The following MDFIC2 variants were observed in gnomAD, a reference collection of about 807,000 sequenced individuals.
MDFIC2 encodes MyoD family inhibitor domain containing 2.
chr3:70,310,157 C>G lies in MDFIC2; in HGVS notation c.88+1729G>C, dbSNP rs143307803. ...TTTTAAAGGATTCTATTTAAAAGAC[C>G]TTTTCAAAAAAAGAAGTTAGAGAAT... On this transcript the variant is annotated intron_variant, in intron 2 of 3. Coordinates refer to ENST00000567252, the MANE Select transcript of MDFIC2 (RefSeq NM_001364677.1). 3.0e-3 allele frequency among the ~76,000 whole-genome samples: 455 copies of G among 151,694 alleles called. 3 individuals carry two copies. The highest frequency in any genetic ancestry group is 0.01 in the African/African-American group (432 of 41,390).
intron 2 of MDFIC2, among the ~76,000 whole-genome samples, chr3:70,235,375 C>A (rs966666044): frequency 6.6e-6 from 1 of 152,184 alleles, no homozygotes; most frequent in Non-Finnish European, 1.5e-5. Context: ...TATTTCATCA[C>A]CCACTCACTC....
At chr3:70,312,060 A>G in intron 1 of MDFIC2, 87 bp from the exon 2 acceptor site, 1 of 394,418 alleles carries the variant, frequency 2.5e-6, no homozygotes, top group Non-Finnish European at 4.5e-6. Context: ...AACTACTGCC[A>G]TATTATGGGA....
At chr3:70,226,817 G>A (rs1701511933) in intron 2 of MDFIC2, among the ~76,000 whole-genome samples, 1 of 151,880 alleles carries the variant, frequency 6.6e-6, no homozygotes, top group Admixed American at 6.6e-5. Context: ...GACAAAGTTT[G>A]TAGAATATGG....
At chr3:70,288,710 C>T (rs1437524434) in intron 2 of MDFIC2, among the ~76,000 whole-genome samples, 5 of 151,812 alleles carry the variant, frequency 3.3e-5, no homozygotes, top group East Asian at 3.9e-4. Flanking sequence ...CTTTGTAGGT[C>T]ACTCAGGACT....
intron 2 of MDFIC2, among the ~76,000 whole-genome samples, chr3:70,262,365 A>G (rs9827974): frequency 0.99 from 150,458 of 152,298 alleles, 74,330 homozygotes; most frequent in Non-Finnish European, 1. Context: ...CATAAGTTTT[A>G]ATGAGAAAAA....
At chr3:70,238,561 A>C (rs1282445588) in intron 2 of MDFIC2, among the ~76,000 whole-genome samples, 1 of 152,026 alleles carries the variant, frequency 6.6e-6, no homozygotes, top group Non-Finnish European at 1.5e-5. Flanking sequence ...GCAATGAGCC[A>C]TGATCACACC....
chr3:70,312,132 T>G (rs933682612), intron 1 of MDFIC2, among the ~76,000 whole-genome samples, 159 bp from the exon 2 acceptor site: 4 of 152,176 alleles, frequency 2.6e-5, no homozygotes, highest in Non-Finnish European at 5.9e-5. Flanking sequence ...ATTTTATTCA[T>G]TTGTGTTATT....
At chr3:70,288,387 C>G (rs1702190595) in intron 2 of MDFIC2, among the ~76,000 whole-genome samples, 1 of 142,404 alleles carries the variant, frequency 7.0e-6, no homozygotes, top group Admixed American at 7.1e-5. Flanking sequence ...GATTCTTAAT[C>G]CTGAGTTCTA....
Position 70,225,283 on chromosome 3 carries a change from C to T in MDFIC2, c.89-18493G>A, listed in dbSNP as rs967448026. On this transcript the variant is annotated intron_variant, in intron 2 of 3. Coordinates refer to ENST00000567252, the MANE Select transcript of MDFIC2 (RefSeq NM_001364677.1). ...TTTTCCCCAGATTTTCTTGAATTCT[C>T]TTCAGTGTGAGAATTATAATTATAT... Among the ~76,000 whole-genome samples, 3 of 152,162 alleles carry T rather than the reference C, an allele frequency of 2.0e-5. No homozygotes were observed. In the South Asian group the frequency reaches 6.2e-4, roughly 32 times the overall value.
intron 2 of MDFIC2, among the ~76,000 whole-genome samples, chr3:70,308,922 T>G (rs1234725322): frequency 1.3e-5 from 2 of 152,204 alleles, no homozygotes; most frequent in African/African-American, 4.8e-5. Context: ...AAGGCATTGC[T>G]GTGATTACCC....
chr3:70,243,981 C>A (rs1056355348), intron 2 of MDFIC2, among the ~76,000 whole-genome samples: 1 of 152,180 alleles, frequency 6.6e-6, no homozygotes, highest in African/African-American at 2.4e-5. Context: ...CTAATTATCT[C>A]CTCACCCTGT....
intron 2 of MDFIC2, among the ~76,000 whole-genome samples, chr3:70,239,865 G>C (rs1408453455): frequency 6.6e-6 from 1 of 152,034 alleles, no homozygotes; most frequent in East Asian, 1.9e-4. Flanking sequence ...GTGAATATTT[G>C]TTGAATAAAT....
chr3:70,288,511 G>C (rs1013558492), intron 2 of MDFIC2, among the ~76,000 whole-genome samples: 5 of 150,494 alleles, frequency 3.3e-5, no homozygotes, highest in Non-Finnish European at 5.9e-5. Flanking sequence ...GGTGTGGTGT[G>C]GTGCTGAAAA....
At chr3:70,305,387 G>A (rs1702390716) in intron 2 of MDFIC2, among the ~76,000 whole-genome samples, 1 of 152,120 alleles carries the variant, frequency 6.6e-6, no homozygotes, top group African/African-American at 2.4e-5. Context: ...AGTAAAAAGA[G>A]TCTCAAGATA....
At chr3:70,252,575 C>G (rs895888791) in intron 2 of MDFIC2, among the ~76,000 whole-genome samples, 2 of 152,106 alleles carry the variant, frequency 1.3e-5, no homozygotes, top group African/African-American at 4.8e-5. Flanking sequence ...TAAAGTGGGC[C>G]AGATAACAGG....
At chr3:70,293,089 G>C (rs149626024) in intron 2 of MDFIC2, among the ~76,000 whole-genome samples, 1 of 138,950 alleles carries the variant, frequency 7.2e-6, no homozygotes, top group African/African-American at 2.6e-5. Flanking sequence ...ATTACATGAC[G>C]AGAAGAAAGA....
intron 2 of MDFIC2, among the ~76,000 whole-genome samples, chr3:70,251,330 A>G (rs1701765957): frequency 6.6e-6 from 1 of 152,088 alleles, no homozygotes; most frequent in Admixed American, 6.5e-5. Flanking sequence ...TTCAGTCTTC[A>G]TTTTCTATGT....
At chr3:70,284,574 A>T (rs142207692) in intron 2 of MDFIC2, among the ~76,000 whole-genome samples, 32 of 152,324 alleles carry the variant, frequency 2.1e-4, no homozygotes, top group African/African-American at 7.7e-4. Flanking sequence ...GCCATAAAAA[A>T]GAATAAGATC....
chr3:70,274,632 A>G (rs1260170458), intron 2 of MDFIC2, among the ~76,000 whole-genome samples: 1 of 152,080 alleles, frequency 6.6e-6, no homozygotes, highest in African/African-American at 2.4e-5. Flanking sequence ...CCTGTTGGGG[A>G]TGGAGCGGTG....
Sources: allele counts gnomAD v4.1 joint callset (sites outside exome capture counted in the v4.1 genomes callset), GRCh38; gene constraint gnomAD v4.1.1; transcripts MANE v1.5; gene names NCBI Gene and HGNC (gene_info 2026-07-23, HGNC 2026-07-21).